The following BDNF variants were observed in gnomAD, a reference collection of about 807,000 sequenced individuals.
The protein encoded by BDNF is neurotrophic factor BDNF precursor form.
BDNF carries 1 observed loss-of-function variant against 19.5 expected under a neutral mutation model. The ratio of observed to expected loss-of-function variants is 0.05; its 90% CI spans 0.02 to 0.24. BDNF has a LOEUF of 0.24. Ranked by LOEUF, BDNF falls within the 10% of genes least tolerant of loss-of-function variation. BDNF has a pLI of 1.00. For missense variants in BDNF, 195 were observed against 317.6 expected (o/e 0.61, Z 2.93); for synonymous variants, 100 against 121.6 (o/e 0.82, Z 1.17).
upstream of BDNF, among the ~76,000 whole-genome samples, chr11:27,705,214 G>C (rs1860063219): frequency 6.6e-6 from 1 of 152,208 alleles, no homozygotes; most frequent in Admixed American, 6.5e-5. Context: ...CTATAAGCGT[G>C]GTCAAAAGGG....
intron 1 of BDNF, chr11:27,675,469 CA>C (rs933696913): frequency 2.6e-5 from 4 of 152,162 alleles, no homozygotes; most frequent in African/African-American, 9.7e-5. Context: ...CCGCGACTAC[CA>C]AATACTCCTC....
upstream of BDNF, among the ~76,000 whole-genome samples, chr11:27,705,058 A>T (rs1393847002): frequency 6.6e-6 from 1 of 152,250 alleles, no homozygotes; most frequent in Admixed American, 6.5e-5. Flanking sequence ...GAAAAACGGC[A>T]TAGAAACCAT....
At chr11:27,716,448 C>CACACACAG (rs1386457430) in intron 1 of BDNF, among the ~76,000 whole-genome samples, 1 of 105,902 alleles carries the variant, frequency 9.4e-6, no homozygotes, top group African/African-American at 3.5e-5. Flanking sequence ...CATACACACA[C>CACACACAG]ACACACAGAC....
chr11:27,660,840 C>G (rs1040758459), intron 1 of BDNF, among the ~76,000 whole-genome samples: 1 of 151,224 alleles, frequency 6.6e-6, no homozygotes, highest in African/African-American at 2.4e-5. Context: ...ACACTAACTA[C>G]TTAAAAATGG....
At chr11:27,701,308 C>T (rs1014521385), upstream of BDNF, 20 of 1,126,636 alleles carry the variant, frequency 1.8e-5, 1 homozygote, top group Middle Eastern at 4.2e-4. Context: ...TTTTCAGTCA[C>T]TACTTGTCAA....
At chr11:27,712,122 T>C (rs1395445601) in intron 1 of BDNF, among the ~76,000 whole-genome samples, 1 of 152,256 alleles carries the variant, frequency 6.6e-6, no homozygotes, top group Non-Finnish European at 1.5e-5. Flanking sequence ...CTCCCAATGC[T>C]GATTTCCTTT....
At chr11:27,700,577 C>G (rs1590466030), upstream of BDNF, 3 of 957,566 alleles carry the variant, frequency 3.1e-6, no homozygotes, top group Non-Finnish European at 2.5e-6. Context: ...TACCGATACC[C>G]GTTCGAGGCG....
chr11:27,662,527 C>T (rs1404242815), intron 1 of BDNF, among the ~76,000 whole-genome samples: 1 of 152,218 alleles, frequency 6.6e-6, no homozygotes, highest in Non-Finnish European at 1.5e-5. Context: ...ACCTTTTTGG[C>T]AGCAGGAACC....
At chr11:27,675,691 TGAAAA>T (rs1261101818) in intron 1 of BDNF, 5 of 152,028 alleles carry the variant, frequency 3.3e-5, no homozygotes, top group Admixed American at 1.3e-4. Context: ...AGATGTGACT[TGAAAA>T]GAAAGGTAGA....
intron 1 of BDNF, among the ~76,000 whole-genome samples, chr11:27,665,702 C>T (rs1004611208): frequency 6.6e-6 from 1 of 152,180 alleles, no homozygotes; most frequent in African/African-American, 2.4e-5. Context: ...AACTGCAAAG[C>T]AGCAGCGAGG....
upstream of BDNF, chr11:27,701,583 G>C (rs758242006): frequency 4.8e-5 from 47 of 986,736 alleles, no homozygotes; most frequent in Admixed American, 6.0e-5. Context: ...TAGTTCGCCG[G>C]GGGGAGCGGC....
At chr11:27,700,799 G>T (rs1442296328), upstream of BDNF, 22 of 1,204,952 alleles carry the variant, frequency 1.8e-5, no homozygotes, top group Non-Finnish European at 2.3e-5. Context: ...GGAACCCCGC[G>T]TCCCGCGCCC....
At chr11:27,662,413 G>T (rs577209045) in intron 1 of BDNF, among the ~76,000 whole-genome samples, 9 of 152,116 alleles carry the variant, frequency 5.9e-5, no homozygotes, top group African/African-American at 1.9e-4. Flanking sequence ...TATAATTTTC[G>T]TAAGAAGCCT....
upstream of BDNF, chr11:27,700,820 C>A: frequency 8.2e-7 from 1 of 1,226,948 alleles, no homozygotes; most frequent in South Asian, 1.4e-5. Context: ...TCTGCAGAAA[C>A]CCCGGCTGTG....
rs747002774 is a variant in BDNF at position 27,674,240 on chromosome 11, G to GATTA, written c.-21-15659_-21-15656dup. 2.2e-5 allele frequency: 35 copies of GATTA among 1,588,426 alleles called. No homozygotes were observed. The highest frequency in any genetic ancestry group is 3.0e-5 in the Non-Finnish European group (35 of 1,166,064). On this transcript the variant is annotated intron_variant, in intron 1 of 1. Transcript: ENST00000356660. ...ACTCAGCATTCTGAGTAGTAACAAG[G>GATTA]ATTAACCTTGTGCACTCATGGAGAA...
At chr11:27,697,182 G>GAGAGAGAGAA (rs1859177263) in intron 1 of BDNF, among the ~76,000 whole-genome samples, 1 of 152,016 alleles carries the variant, frequency 6.6e-6, no homozygotes. Context: ...GAGAGAGAGA[G>GAGAGAGAGAA]AGAGAGAGAG....
At chr11:27,665,691 G>A (rs1255332767) in intron 1 of BDNF, among the ~76,000 whole-genome samples, 1 of 152,294 alleles carries the variant, frequency 6.6e-6, no homozygotes. Flanking sequence ...GTCTGAGATC[G>A]AACTGCAAAG....
chr11:27,701,011 G>C (rs778983778), upstream of BDNF: 1 of 1,361,514 alleles, frequency 7.3e-7, no homozygotes, highest in African/African-American at 1.5e-5. Context: ...GCGAACGCGA[G>C]CACACAATGA....
chr11:27,701,056 T>C, upstream of BDNF: 1 of 1,351,556 alleles, frequency 7.4e-7, no homozygotes, highest in Non-Finnish European at 9.9e-7. Context: ...TGGTTTACTC[T>C]GCTGCCTTAA....
Sources: gnomAD v4.1 joint callset for allele counts (sites outside exome capture counted in the v4.1 genomes callset) on GRCh38, gnomAD v4.1.1 for gene constraint, MANE v1.5 for transcripts, NCBI Gene and HGNC (gene_info 2026-07-23, HGNC 2026-07-21) for gene names.